The following RHOBTB1 variants were observed in gnomAD, a reference collection of about 807,000 sequenced individuals.
RHOBTB1 encodes rho-related BTB domain-containing protein 1.
Under a neutral mutation model 71.6 loss-of-function variants are expected in RHOBTB1, and 40 were observed. That is an observed-to-expected ratio of 0.56 (90% CI 0.43 to 0.73). The LOEUF is 0.73. Ranked by LOEUF, RHOBTB1 falls within the 30% of genes least tolerant of loss-of-function variation. The pLI is 0.00. For missense variants in RHOBTB1, 797 were observed against 894.0 expected, an observed-to-expected ratio of 0.89 and a Z score of 1.38; for synonymous variants, 319 against 334.9, an observed-to-expected ratio of 0.95 and a Z score of 0.52.
In RHOBTB1 at chr10:60,870,902, A is replaced by G. The variant is rs1157355692; in HGVS notation, c.*580T>C. ...CATTCTTGGAGTTGACTTTGTAATT[A>G]CACCGATGTTATTCAACAGAACAAA... is the stretch of plus-strand genomic sequence containing the variant. On this transcript the variant is annotated 3_prime_UTR_variant, in exon 11 of 11. Coordinates refer to ENST00000337910, the MANE Select transcript of RHOBTB1 (RefSeq NM_014836.5). 6.6e-6 allele frequency: 1 copy of G among 152,644 alleles called. No homozygotes were observed. Among genetic ancestry groups the G allele is most frequent in the Non-Finnish European group, 1.5e-5 (1 of 68,054 alleles). 9.5% of individuals were successfully genotyped at this position (152,644 alleles called of 1,614,324 possible).
chr10:60,942,532 A>C (rs1056103289), intron 1 of RHOBTB1, among the ~76,000 whole-genome samples: 2 of 152,252 alleles, frequency 1.3e-5, no homozygotes, highest in Non-Finnish European at 2.9e-5. Context: ...TAATATGTCC[A>C]AATATGATTC....
chr10:60,864,892 T>C (rs1487977982), downstream of RHOBTB1, among the ~76,000 whole-genome samples: 1 of 152,200 alleles, frequency 6.6e-6, no homozygotes, highest in African/African-American at 2.4e-5. Flanking sequence ...GGTTTTACCA[T>C]GTTGGCCAAG....
chr10:60,885,412 TGAC>T (rs2081522886), intron 7 of RHOBTB1, among the ~76,000 whole-genome samples: 1 of 152,210 alleles, frequency 6.6e-6, no homozygotes, highest in Non-Finnish European at 1.5e-5. Context: ...AGCCAGGGGC[TGAC>T]AAGTGATGTA....
chr10:60,880,056 G>A (rs2081245870), intron 7 of RHOBTB1, among the ~76,000 whole-genome samples: 1 of 152,104 alleles, frequency 6.6e-6, no homozygotes, highest in South Asian at 2.1e-4. Flanking sequence ...ACAGGAGGAT[G>A]TGCACAGATC....
Position 60,888,878 on chromosome 10 carries a change from G to T in RHOBTB1, c.790C>A (p.Leu264Ile). Reference sequence around the variant, plus strand: ...AGGATGAACAGAACATCGGCACATAGAGGATTGTCCAGTAAACAGGCAGCT... The same window carrying T: ...AGGATGAACAGAACATCGGCACATATAGGATTGTCCAGTAAACAGGCAGCT... The part of the protein sequence containing the change: ...NEAACLLDNP[L>I]CADVLFILQD... Residue 264 changes from leucine to isoleucine, a missense_variant, in exon 6 of 11, where the codon CTA becomes ATA. Coordinates refer to ENST00000337910, the MANE Select transcript of RHOBTB1 (RefSeq NM_014836.5). 1 of 1,614,228 alleles carries T rather than the reference G, an allele frequency of 6.2e-7. No homozygotes were observed. The highest frequency in any genetic ancestry group is 1.6e-4 in the Middle Eastern group (1 of 6,062).
chr10:60,892,005 C>T (rs781526893), intron 5 of RHOBTB1, among the ~76,000 whole-genome samples: 5 of 152,156 alleles, frequency 3.3e-5, no homozygotes, highest in Admixed American at 6.5e-5. Context: ...TCTCCTGCCG[C>T]CATACGAAGA....
chr10:60,995,533 C>G (rs74155434), intron 1 of RHOBTB1, among the ~76,000 whole-genome samples: 2 of 152,050 alleles, frequency 1.3e-5, no homozygotes, highest in East Asian at 1.9e-4. Context: ...AACATTCACA[C>G]GCTGATTAAT....
At chr10:60,989,159 T>C (rs1419869123) in intron 1 of RHOBTB1, among the ~76,000 whole-genome samples, 1 of 151,540 alleles carries the variant, frequency 6.6e-6, no homozygotes, top group African/African-American at 2.4e-5. Flanking sequence ...ACTGTCTGAT[T>C]TGAAAGACAA....
intron 2 of RHOBTB1, among the ~76,000 whole-genome samples, chr10:60,920,369 A>G (rs1238040776): frequency 2.6e-5 from 4 of 152,134 alleles, no homozygotes; most frequent in African/African-American, 9.7e-5. Flanking sequence ...TGAAGGGCAG[A>G]CTGGGTGACC....
intron 2 of RHOBTB1, among the ~76,000 whole-genome samples, chr10:60,912,547 C>T (rs575288049): frequency 2.8e-4 from 42 of 152,232 alleles, no homozygotes; most frequent in African/African-American, 9.1e-4. Flanking sequence ...AAAAGATATT[C>T]TTGAGGGCCC....
At chr10:60,988,316 A>G (rs2086739274) in intron 1 of RHOBTB1, among the ~76,000 whole-genome samples, 1 of 152,286 alleles carries the variant, frequency 6.6e-6, no homozygotes, top group African/African-American at 2.4e-5. Flanking sequence ...TATAATTTCT[A>G]CTTTTATTTT....
intron 7 of RHOBTB1, among the ~76,000 whole-genome samples, chr10:60,883,100 G>A (rs975768952): frequency 2.0e-4 from 31 of 152,150 alleles, no homozygotes; most frequent in Admixed American, 1.8e-3. Flanking sequence ...GTGAAGGGAC[G>A]GGAAGGGGCG....
intron 3 of RHOBTB1, 53 bp from the exon 4 acceptor site, chr10:60,911,043 G>T: frequency 2.1e-6 from 3 of 1,449,918 alleles, no homozygotes; most frequent in South Asian, 1.1e-5. Flanking sequence ...AAGTTCCCCA[G>T]GAGAAGCGTG....
chr10:60,974,706 C>G (rs112408435), intron 2 of RHOBTB1, among the ~76,000 whole-genome samples: 22 of 152,036 alleles, frequency 1.4e-4, no homozygotes, highest in Non-Finnish European at 4.4e-5. Flanking sequence ...TGATTCTAGA[C>G]AGAGACACAA....
intron 2 of RHOBTB1, among the ~76,000 whole-genome samples, chr10:60,923,620 T>C (rs1466120651): frequency 2.6e-5 from 4 of 152,206 alleles, no homozygotes; most frequent in East Asian, 1.9e-4. Context: ...TAGTATGCGA[T>C]ATGGTTTGGT....
chr10:60,873,236 G>A (rs1410132495), intron 9 of RHOBTB1, among the ~76,000 whole-genome samples: 1 of 152,152 alleles, frequency 6.6e-6, no homozygotes, highest in Non-Finnish European at 1.5e-5. Context: ...CTGCCAGGTG[G>A]GTTTGTTCCA....
At chr10:60,925,104 C>G (rs2083792087) in intron 2 of RHOBTB1, among the ~76,000 whole-genome samples, 1 of 152,154 alleles carries the variant, frequency 6.6e-6, no homozygotes, top group Non-Finnish European at 1.5e-5. Flanking sequence ...TGCTCTCTCT[C>G]CCTATTGCTC....
intron 2 of RHOBTB1, among the ~76,000 whole-genome samples, chr10:60,927,033 G>T (rs573677009): frequency 2.0e-5 from 3 of 152,246 alleles, no homozygotes; most frequent in Non-Finnish European, 4.4e-5. Flanking sequence ...TTCAGGATAT[G>T]AAATCAGTAT....
intron 2 of RHOBTB1, among the ~76,000 whole-genome samples, chr10:60,914,611 A>T (rs2083172627): frequency 6.6e-6 from 1 of 152,168 alleles, no homozygotes; most frequent in South Asian, 2.1e-4. Flanking sequence ...ACTAGCCCTG[A>T]TAGCAGCCCC....
Sources: allele counts gnomAD v4.1 joint callset (sites outside exome capture counted in the v4.1 genomes callset), GRCh38; gene constraint gnomAD v4.1.1; transcripts MANE v1.5; gene names NCBI Gene and HGNC (gene_info 2026-07-23, HGNC 2026-07-21).